INPP5E: variants seen among roughly 807,000 people sequenced by gnomAD.
The protein encoded by INPP5E is phosphatidylinositol polyphosphate 5-phosphatase type IV.
INPP5E carries 34 observed loss-of-function variants against 50.5 expected under a neutral mutation model. The observed-to-expected ratio is 0.67, with a 90% CI of 0.51 to 0.90. INPP5E has a LOEUF of 0.90. INPP5E is among the 40% of genes least tolerant of loss of function. INPP5E has a pLI of 0.00. For missense variants in INPP5E, 942 were observed against 905.5 expected (o/e 1.04, Z -0.52); for synonymous variants, 447 against 406.0 (o/e 1.10, Z -1.21).
At chr9:136,432,706 C>T (rs1179687925) in intron 5 of INPP5E, 120 bp from the exon 6 acceptor site, 2 of 890,530 alleles carry the variant, frequency 2.2e-6, no homozygotes, top group East Asian at 5.3e-5. Flanking sequence ...CCCCACCGGG[C>T]ATCCGCTGCC....
At chr9:136,432,243 C>T (rs376608459) in intron 6 of INPP5E, among the ~76,000 whole-genome samples, 52 of 152,300 alleles carry the variant, frequency 3.4e-4, no homozygotes, top group South Asian at 2.1e-3. Flanking sequence ...GGCGGCGGGG[C>T]GGGCAGTGGC....
At chr9:136,430,905 G>T in intron 8 of INPP5E, 97 bp downstream of exon 8, 2 of 884,838 alleles carry the variant, frequency 2.3e-6, no homozygotes, top group Non-Finnish European at 3.7e-6. Flanking sequence ...AGTCCAGGCC[G>T]TCCAGGCTCA....
At position 136,430,291 on chromosome 9, in the gene INPP5E, C is replaced by T. The variant is rs530758804; in HGVS notation, c.1788G>A (p.Arg596=). ...PVYGLFRVKV[R]PGRDNIPLAA... ...AGAACACTGACTTGTCTCGCCCCGGCCTCACTTTCACCCGGAAGAGGCCAT... is the reference window on the plus strand; with the variant it reads ...AGAACACTGACTTGTCTCGCCCCGGTCTCACTTTCACCCGGAAGAGGCCAT... Residue 596 remains arginine (R), a synonymous_variant, in exon 9 of 10, where the codon AGG becomes AGA. Transcript: ENST00000371712. The T allele has an allele frequency of 1.9e-6, 3 of 1,551,522 alleles. No individual in the cohort carries two copies. Among genetic ancestry groups the T allele is most frequent in the Non-Finnish European group, 2.6e-6 (3 of 1,147,028 alleles).
Position 136,438,837 on chromosome 9 carries a change from G to A in INPP5E, c.583C>T (p.Pro195Ser), listed in dbSNP as rs765819603. Residue 195 changes from proline to serine, a missense_variant, in exon 1 of 10, where the codon CCT becomes TCT. By Grantham distance (74) the Pro-to-Ser change is moderately conservative. Transcript: ENST00000371712. ...GAGGCGATGTCCAGGCTCAGGGCAG[G>A]CGGTGGGCGCGGGGGCAGCAGGCTG... is the stretch of plus-strand genomic sequence containing the variant. ...LPSLLPPRPP[P>S]ALSLDIASDS... The A allele has an allele frequency of 1.9e-5, 30 of 1,608,736 alleles. No homozygotes were observed. The South Asian group carries it at 2.3e-4, about 12-fold the overall frequency.
Position 136,431,028 on chromosome 9 carries a change from A to C in INPP5E, c.1639T>G (p.Ser547Ala). 6.2e-7 allele frequency: 1 copy of C among 1,612,774 alleles called. No individual in the cohort carries two copies. Among genetic ancestry groups the C allele is most frequent in the Non-Finnish European group, 8.5e-7 (1 of 1,179,258 alleles). ...GTGTATGAGGGCGTCCTCTGCTTGGAGGTGCTGTCGTACGTGTCCTTCCCG... is the reference window on the plus strand; with the variant it reads ...GTGTATGAGGGCGTCCTCTGCTTGGCGGTGCTGTCGTACGTGTCCTTCCCG... ...DIGKDTYDST[S>A]KQRTPSYTDR... Residue 547 changes from serine to alanine, a missense_variant, in exon 8 of 10, where the codon TCC becomes GCC. Coordinates refer to ENST00000371712, the MANE Select transcript of INPP5E (RefSeq NM_019892.6).
chr9:136,438,459 G>A, intron 1 of INPP5E, 149 bp downstream of exon 1: 1 of 725,402 alleles, frequency 1.4e-6, no homozygotes, highest in South Asian at 1.6e-5. Flanking sequence ...GGGTGGGGCT[G>A]GGAGATGGGG....
rs1248375354 is a variant in INPP5E at position 136,429,453 on chromosome 9, C to G, written c.*222G>C. ...TGCCACCCATGCTGTATGGACCTGC[C>G]ATGGAGACGGGGGTCCAAGCCCTGC... On this transcript the variant is annotated 3_prime_UTR_variant, in exon 10 of 10. Transcript: ENST00000371712. 1.5e-6 allele frequency: 1 copy of G among 663,314 alleles called. No individual in the cohort carries two copies. Among genetic ancestry groups the G allele is most frequent in the Non-Finnish European group, 2.7e-6 (1 of 366,936 alleles). The allele number at this position is 663,314 out of a possible 1,614,324, so 41.1% of individuals were successfully genotyped here. A position where few individuals can be genotyped will look rare whatever the true frequency, so the allele number is the denominator to read the frequency against.
intron 3 of INPP5E, 88 bp downstream of exon 3, chr9:136,433,949 G>A: frequency 9.4e-7 from 1 of 1,059,910 alleles, no homozygotes; most frequent in South Asian, 1.3e-5. Context: ...GCAGACCCGT[G>A]CCCAGCCATG....
At chr9:136,438,528 G>C (rs928614993) in intron 1 of INPP5E, 80 bp downstream of exon 1, 29 of 1,248,908 alleles carry the variant, frequency 2.3e-5, no homozygotes, top group Middle Eastern at 2.5e-4. Flanking sequence ...CTGCTGATGG[G>C]AACGGTCTCA....
At chr9:136,430,469 G>A (rs750868575) in intron 8 of INPP5E, 56 bp from the exon 9 acceptor site, 161 of 1,545,970 alleles carry the variant, frequency 1.0e-4, no homozygotes, top group Non-Finnish European at 1.3e-4. Context: ...GCCGTGGGGC[G>A]TGGCCCGCTC....
At position 136,429,757 on chromosome 9, in the gene INPP5E, A is replaced by C. The variant is rs1271443015; in HGVS notation, c.1853T>G (p.Ile618Ser). 1 of 1,613,672 alleles carries C rather than the reference A, an allele frequency of 6.2e-7. No individual in the cohort carries two copies. Among genetic ancestry groups the C allele is most frequent in the South Asian group, 1.1e-5 (1 of 91,072 alleles). ...KFDRELYLLG[I>S]KRRISKEIQR... ...AATCTCCTTCGAAATCCGTCTTTTA[A>C]TTCCTAGTAAGTACAGTTCTCTATC... Residue 618 changes from isoleucine to serine, a missense_variant, in exon 10 of 10, where the codon ATT becomes AGT. Physicochemically the swap from Ile to Ser is moderately radical, Grantham distance 142. Transcript: ENST00000371712.
intron 5 of INPP5E, 66 bp from the exon 6 acceptor site, chr9:136,432,652 C>T (rs1835736597): frequency 1.8e-6 from 2 of 1,106,368 alleles, no homozygotes; most frequent in African/African-American, 1.5e-5. Flanking sequence ...TAAAGCGCCG[C>T]ACCTCTGGAC....
At position 136,433,215 on chromosome 9, in the gene INPP5E, C is replaced by A; in HGVS notation, c.1099G>T (p.Ala367Ser). 6.3e-7 allele frequency: 1 copy of A among 1,593,856 alleles called. No homozygotes were observed. The highest frequency in any genetic ancestry group is 8.5e-7 in the Non-Finnish European group (1 of 1,176,876). Reference sequence around the variant, plus strand: ...AGCGACATGTAGAGCACGCCGTGGGCCGCCGAGGACAGCAGCACATAGTGC... The same window carrying A: ...AGCGACATGTAGAGCACGCCGTGGGACGCCGAGGACAGCAGCACATAGTGC... ...GPHYVLLSSA[A>S]HGVLYMSLFI... Residue 367 changes from alanine to serine, a missense_variant, in exon 4 of 10, where the codon GCC (alanine) becomes TCC (serine). By Grantham distance (99) the Ala-to-Ser change is moderately conservative. Coordinates refer to ENST00000371712, the MANE Select transcript of INPP5E (RefSeq NM_019892.6).
chr9:136,429,690 G>C lies in INPP5E; in HGVS notation c.1920C>G (p.Ile640Met). The C allele has an allele frequency of 6.2e-7, 1 of 1,614,126 alleles. No individual in the cohort carries two copies. The highest frequency in any genetic ancestry group is 8.5e-7 in the Non-Finnish European group (1 of 1,180,046). ...TCAGCAAACTTCAAGAAACGGAGCA[G>C]ATGGTGCTGGAGTTCTGACTCTGTA... The part of the protein sequence containing the change: ...QALQSQNSST[I>M]CSVS The change falls in exon 10 of 10, where the codon ATC becomes ATG. Residue 640 changes from isoleucine to methionine, a missense_variant. Transcript: ENST00000371712.
chr9:136,439,332 C>A lies in INPP5E; in HGVS notation c.88G>T (p.Ala30Ser). ...GACCCCGCGCGCTGGGCCGGCGGAG[C>A]GCCGGGAAGCTGTCCTTGGAGCGTC... ...GRTLQGQLPG[A>S]PPAQRAGSPP... The change falls in exon 1 of 10, where the codon GCT (alanine) becomes TCT (serine). Residue 30 changes from alanine (A) to serine (S), a missense_variant. Physicochemically the swap from Ala to Ser is moderately conservative, Grantham distance 99. Transcript: ENST00000371712. 7.1e-7 allele frequency: 1 copy of A among 1,410,078 alleles called. No homozygotes were observed. The highest frequency in any genetic ancestry group is 1.5e-5 in the South Asian group (1 of 65,444). The allele number at this position is 1,410,078 out of a possible 1,614,324, so 87.3% of individuals were successfully genotyped here. A position where few individuals can be genotyped will look rare whatever the true frequency, so the allele number is the denominator to read the frequency against.
At position 136,431,961 on chromosome 9, in the gene INPP5E, TC is replaced by T; in HGVS notation, c.1411del (p.Glu471ArgfsTer12). 1 of 1,612,044 alleles carries T rather than the reference TC, an allele frequency of 6.2e-7. No individual in the cohort carries two copies. Among genetic ancestry groups the T allele is most frequent in the Non-Finnish European group, 8.5e-7 (1 of 1,179,728 alleles). Reference protein sequence around the residue: ...SAADVTTRFDEVFWFGDFNFR... With the variant: ...SAADVTTRFDXVFWFGDFNFR... The stretch of plus-strand genomic sequence containing the variant: ...GTTGAAGTCTCCAAACCAGAACACC[TC>T]ATCGAAGCGGGTGGTGACGTCCGCT... On this transcript the variant is annotated frameshift_variant, in exon 7 of 10. Transcript: ENST00000371712. LOFTEE classifies it high-confidence loss of function.
rs925789744 is a variant in INPP5E at position 136,430,305 on chromosome 9, G to A, written c.1774C>T (p.Arg592Trp). The A allele has an allele frequency of 5.2e-6, 8 of 1,551,674 alleles. No individual in the cohort carries two copies. In the Admixed American group the frequency reaches 5.9e-5, roughly 11 times the overall value. ...TCTCGCCCCGGCCTCACTTTCACCC[G>A]GAAGAGGCCATACACAGGGCGGTGG... is the stretch of plus-strand genomic sequence containing the variant. ...SDHRPVYGLF[R>W]VKVRPGRDNI... Residue 592 changes from arginine to tryptophan, a missense_variant, in exon 9 of 10, where the codon CGG becomes TGG. Arg to Trp is a moderately radical substitution (Grantham distance 101). Transcript: ENST00000371712.
At chr9:136,434,462 G>A (rs1835786093) in intron 2 of INPP5E, among the ~76,000 whole-genome samples, 1 of 149,964 alleles carries the variant, frequency 6.7e-6, no homozygotes, top group African/African-American at 2.5e-5. Flanking sequence ...CCGCCCTCCC[G>A]CTCACCTTGA....
In INPP5E at chr9:136,429,663, G is replaced by A. The variant is rs369482968; in HGVS notation, c.*12C>T. The A allele has an allele frequency of 2.5e-6, 4 of 1,613,688 alleles. No individual in the cohort carries two copies. Among genetic ancestry groups the A allele is most frequent in the East Asian group, 2.2e-5 (1 of 44,902 alleles). ...CCCCACGTTGCAGCTGTGAGTCCTC[G>A]TTCAGCAAACTTCAAGAAACGGAGC... is the stretch of plus-strand genomic sequence containing the variant. On this transcript the variant is annotated 3_prime_UTR_variant, in exon 10 of 10. Transcript: ENST00000371712.
Sources: allele counts gnomAD v4.1 joint callset (sites outside exome capture counted in the v4.1 genomes callset), GRCh38; gene constraint gnomAD v4.1.1; transcripts MANE v1.5; gene names NCBI Gene and HGNC (gene_info 2026-07-23, HGNC 2026-07-21).